The following CFAP69 variants were observed in gnomAD, a reference collection of about 807,000 sequenced individuals.
CFAP69 encodes the protein cilia- and flagella-associated protein 69.
CFAP69 carries 92 observed loss-of-function variants against 123.0 expected under a neutral mutation model. The observed-to-expected ratio is 0.75, with a 90% CI of 0.63 to 0.89. The LOEUF (loss-of-function observed/expected upper bound fraction) is 0.89, where lower values mean the gene tolerates loss of function less well. Ranked by LOEUF, CFAP69 falls within the 40% of genes least tolerant of loss-of-function variation. CFAP69 has a pLI of 0.00. For synonymous variants in CFAP69, 380 were observed against 364.3 expected (o/e 1.04, Z -0.49); for missense variants, 1,067 against 1,096.9 (o/e 0.97, Z 0.39).
chr7:90,254,493 A>C (rs1797408132), intron 1 of CFAP69, among the ~76,000 whole-genome samples: 1 of 152,162 alleles, frequency 6.6e-6, no homozygotes. Context: ...GAAAGCAAAA[A>C]AATTTTTGCT....
intron 5 of CFAP69, among the ~76,000 whole-genome samples, chr7:90,266,921 G>A (rs1799238257): frequency 6.6e-6 from 1 of 152,072 alleles, no homozygotes; most frequent in Non-Finnish European, 1.5e-5. Context: ...GCAAGATTCT[G>A]GAAATGGATG....
chr7:90,266,059 C>T (rs1412965329), intron 5 of CFAP69: 1 of 151,900 alleles, frequency 6.6e-6, no homozygotes, highest in Non-Finnish European at 1.5e-5. Context: ...TTTATTTGTA[C>T]AGGAGGAATA....
At chr7:90,269,728 G>T (rs1249764074) in intron 6 of CFAP69, among the ~76,000 whole-genome samples, 1 of 152,112 alleles carries the variant, frequency 6.6e-6, no homozygotes, top group Non-Finnish European at 1.5e-5. Context: ...GGCAGTTCAT[G>T]AATGCAGACA....
chr7:90,303,678 A>C (rs1793137553), intron 17 of CFAP69: 1 of 993,026 alleles, frequency 1.0e-6, no homozygotes, highest in Non-Finnish European at 1.2e-6. Flanking sequence ...TCTGGATTTC[A>C]AAATTTTTTA....
At chr7:90,249,146 G>A (rs1037870177) in intron 1 of CFAP69, among the ~76,000 whole-genome samples, 1 of 152,154 alleles carries the variant, frequency 6.6e-6, no homozygotes, top group Admixed American at 6.6e-5. Context: ...GGGACCTGGT[G>A]GGAGGTGATT....
intron 19 of CFAP69, among the ~76,000 whole-genome samples, chr7:90,305,189 A>C (rs1793385320): frequency 6.6e-6 from 1 of 151,726 alleles, no homozygotes; most frequent in South Asian, 2.1e-4. Flanking sequence ...AAAAATACAA[A>C]AATTAGCTGG....
At chr7:90,299,120 T>C (rs1240364953) in intron 16 of CFAP69, among the ~76,000 whole-genome samples, 1 of 152,190 alleles carries the variant, frequency 6.6e-6, no homozygotes, top group Non-Finnish European at 1.5e-5. Flanking sequence ...AAACTGATGA[T>C]GTTCGCAATT....
chr7:90,317,257 A>G, the CFAP69 span: 20 of 152,294 alleles, frequency 1.3e-4, no homozygotes, highest in South Asian at 3.9e-3. Flanking sequence ...GATTAGAGCT[A>G]AACAGTAATA....
intron 14 of CFAP69, chr7:90,287,795 A>G (rs1790523315): frequency 1.1e-6 from 1 of 949,158 alleles, no homozygotes; most frequent in Admixed American, 6.1e-5. Context: ...CTTCACAAAA[A>G]TTATTAAATG....
At position 90,286,980 on chromosome 7, in the gene CFAP69, C is replaced by G. The variant is rs1018517775; in HGVS notation, c.1656+581C>G. The stretch of plus-strand genomic sequence containing the variant: ...GTGTGCGCCTGTAATCTCAGTTACT[C>G]GGGAGGCTGAGGCACGAGAATTGCT... On this transcript the variant is annotated intron_variant, in intron 14 of 22. Transcript: ENST00000389297. Among the ~76,000 whole-genome samples, 99 of 149,472 alleles carry G rather than the reference C, an allele frequency of 6.6e-4. 1 individual carries two copies. Among genetic ancestry groups the G allele is most frequent in the African/African-American group, 2.3e-3 (95 of 40,568 alleles).
intron 3 of CFAP69, among the ~76,000 whole-genome samples, chr7:90,258,691 G>A (rs1245146181): frequency 6.6e-6 from 1 of 152,168 alleles, no homozygotes; most frequent in Non-Finnish European, 1.5e-5. Context: ...TCTTGGGGAA[G>A]GCCATTAATC....
intron 15 of CFAP69, among the ~76,000 whole-genome samples, chr7:90,289,436 T>G (rs1290871183): frequency 1.3e-5 from 2 of 152,142 alleles, no homozygotes; most frequent in Admixed American, 6.5e-5. Flanking sequence ...TAGCCTTTTT[T>G]TGTGTGAAAT....
intron 15 of CFAP69, among the ~76,000 whole-genome samples, chr7:90,296,388 C>A (rs1420757246): frequency 6.6e-6 from 1 of 151,892 alleles, no homozygotes; most frequent in African/African-American, 2.4e-5. Context: ...GGTGCAGTGG[C>A]GTGATCTCAG....
At chr7:90,266,668 A>G (rs1339517811) in intron 5 of CFAP69, among the ~76,000 whole-genome samples, 1 of 152,064 alleles carries the variant, frequency 6.6e-6, no homozygotes, top group Non-Finnish European at 1.5e-5. Context: ...ATATGACAAC[A>G]GTATGAACTC....
Position 90,261,983 on chromosome 7 carries a change from A to G in CFAP69, c.283A>G (p.Asn95Asp), listed in dbSNP as rs1798392374. 3 of 1,598,066 alleles carry G rather than the reference A, an allele frequency of 1.9e-6. No homozygotes were observed. Among genetic ancestry groups the G allele is most frequent in the South Asian group, 2.3e-5 (2 of 87,350 alleles). ...TTTAGCACAGATATTTAAAATTCTG[A>G]ATCTGTGTTCAGGAAAAATAAAAAA... ...RDLAQIFKIL[N>D]LCSGKIKNQP... is the part of the protein sequence containing the mutation. The change falls in exon 4 of 23, where the codon AAT becomes GAT. Residue 95 changes from asparagine to aspartate, a missense_variant. Coordinates refer to ENST00000389297, the MANE Select transcript of CFAP69 (RefSeq NM_001039706.3).
At chr7:90,308,640 A>C (rs1793950014) in intron 21 of CFAP69, among the ~76,000 whole-genome samples, 1 of 152,162 alleles carries the variant, frequency 6.6e-6, no homozygotes, top group African/African-American at 2.4e-5. Context: ...CAAGGTACCA[A>C]GTTATCTCCC....
At chr7:90,255,755 G>T (rs943051636) in intron 2 of CFAP69, among the ~76,000 whole-genome samples, 1 of 152,148 alleles carries the variant, frequency 6.6e-6, no homozygotes, top group Non-Finnish European at 1.5e-5. Flanking sequence ...GTACAGAAAG[G>T]ATCATCTAGC....
chr7:90,261,725 A>AC (rs1197971128), intron 3 of CFAP69, among the ~76,000 whole-genome samples: 1 of 152,172 alleles, frequency 6.6e-6, no homozygotes, highest in Admixed American at 6.6e-5. Context: ...GAGGAAAAAA[A>AC]TTTTGAGTAG....
chr7:90,247,656 G>A (rs1796497822), intron 1 of CFAP69, among the ~76,000 whole-genome samples: 1 of 152,086 alleles, frequency 6.6e-6, no homozygotes, highest in Admixed American at 6.6e-5. Context: ...GACCATCCTG[G>A]CCAACATGGT....
Sources: allele counts gnomAD v4.1 joint callset (sites outside exome capture counted in the v4.1 genomes callset), GRCh38; gene constraint gnomAD v4.1.1; transcripts MANE v1.5; gene names NCBI Gene and HGNC (gene_info 2026-07-23, HGNC 2026-07-21).